ZKSCAN5: variants seen among roughly 807,000 people sequenced by gnomAD.
ZKSCAN5 encodes the protein zinc finger with KRAB and SCAN domains 5.
A neutral mutation model predicts 60.0 loss-of-function variants in ZKSCAN5; 28 were observed. The observed-to-expected ratio is 0.47, with a 90% CI of 0.35 to 0.64. The LOEUF is 0.64. Among genes scored for constraint, ZKSCAN5 ranks in the 30% least tolerant of loss-of-function variants. The pLI is 0.01. For synonymous variants in ZKSCAN5, 361 were observed against 371.2 expected, an observed-to-expected ratio of 0.97 and a Z score of 0.31; for missense variants, 881 against 1,034.6, an observed-to-expected ratio of 0.85 and a Z score of 2.04.
Position 99,506,365 on chromosome 7 carries a change from G to GC in ZKSCAN5, c.324dup (p.Trp109LeufsTer8), listed in dbSNP as rs1309405906. ...TGACCATCCTGCCTGAAGAGTTCCA[G>GC]CCCTGGGTGAGGGAACATCACCCTG... On this transcript the variant is annotated frameshift_variant, in exon 2 of 7. Transcript: ENST00000326775. LOFTEE classifies it high-confidence loss of function. The GC allele has an allele frequency of 6.2e-7, 1 of 1,614,224 alleles. No individual in the cohort carries two copies. Among genetic ancestry groups the GC allele is most frequent in the Non-Finnish European group, 8.5e-7 (1 of 1,180,046 alleles).
chr7:99,522,569 G>A (rs1044291125), intron 5 of ZKSCAN5, among the ~76,000 whole-genome samples: 1 of 151,576 alleles, frequency 6.6e-6, no homozygotes, highest in African/African-American at 2.4e-5. Flanking sequence ...TGCCTCCCGG[G>A]TTCAAGCTAT....
Position 99,524,071 on chromosome 7 carries a change from GT to G in ZKSCAN5, c.773-1725del, listed in dbSNP as rs754856321. Among the ~76,000 whole-genome samples, 321 of 133,522 alleles carry G rather than the reference GT, an allele frequency of 2.4e-3. 1 individual carries two copies. The highest frequency in any genetic ancestry group is 0.015 in the South Asian group (64 of 4,182). 87.6% of individuals were successfully genotyped at this position (133,522 alleles called of 152,430 possible). On this transcript the variant is annotated intron_variant, in intron 5 of 6. Coordinates refer to ENST00000326775, the MANE Select transcript of ZKSCAN5 (RefSeq NM_145102.4). ...CTTAATAGGCCATGATACTCCCTGG[GT>G]TTTTTTTTTTTTTTTTGGGACAGAG...
chr7:99,531,892 C>G lies in ZKSCAN5; in HGVS notation c.2163C>G (p.Ile721Met). The stretch of plus-strand genomic sequence containing the variant: ...AAGAGCAGCCTTATCAGTGTGATAT[C>G]TGTGGAAAAGCCTTTGGTTATAGCT... The part of the protein sequence containing the change: ...ELQEQPYQCD[I>M]CGKAFGYSSD... Residue 721 changes from isoleucine (I) to methionine (M), a missense_variant, in exon 7 of 7, where the codon ATC (isoleucine) becomes ATG (methionine). Physicochemically the swap from Ile to Met is conservative, Grantham distance 10. Coordinates refer to ENST00000326775, the MANE Select transcript of ZKSCAN5 (RefSeq NM_145102.4). 6.2e-7 allele frequency: 1 copy of G among 1,614,140 alleles called. No individual in the cohort carries two copies. The highest frequency in any genetic ancestry group is 8.5e-7 in the Non-Finnish European group (1 of 1,180,044).
At chr7:99,508,811 CTTTCT>C (rs1203365443) in intron 2 of ZKSCAN5, among the ~76,000 whole-genome samples, 2 of 141,732 alleles carry the variant, frequency 1.4e-5, no homozygotes, top group African/African-American at 5.2e-5. Context: ...TTCTTTCTTT[CTTTCT>C]TTTTTTTTTT....
At chr7:99,506,486 A>C in intron 2 of ZKSCAN5, 28 bp downstream of exon 2, 1 of 1,583,156 alleles carries the variant, frequency 6.3e-7, no homozygotes, top group Non-Finnish European at 8.6e-7. Context: ...TATATGAGCA[A>C]TGAAGGAGAG....
chr7:99,512,739 T>C, intron 3 of ZKSCAN5, 148 bp downstream of exon 3: 1 of 899,316 alleles, frequency 1.1e-6, no homozygotes, highest in Non-Finnish European at 1.5e-6. Context: ...GCCAGGGACC[T>C]GGAGTTGAGT....
At chr7:99,509,637 C>G (rs1800929860) in intron 2 of ZKSCAN5, among the ~76,000 whole-genome samples, 1 of 151,492 alleles carries the variant, frequency 6.6e-6, no homozygotes, top group South Asian at 2.1e-4. Flanking sequence ...CGGCTAATTT[C>G]CTGTATTTCT....
In ZKSCAN5 at chr7:99,532,247, T is replaced by C. The variant is rs761494675; in HGVS notation, c.2518T>C (p.Ter840GlnextTer4). The change falls in exon 7 of 7, where the codon TAG (stop) becomes CAG (glutamine). Residue 840 changes from the stop codon to glutamine, a stop_lost. Transcript: ENST00000326775. The part of the protein sequence containing the change: ...NTLSVEGSLL[*>Q] The stretch of plus-strand genomic sequence containing the variant: ...CTTAAGTGTAGAGGGGTCTCTGTTG[T>C]AGAATAGCTCTTAATTTTAGAGAAA... 1.3e-6 allele frequency: 2 copies of C among 1,558,694 alleles called. No homozygotes were observed. Among genetic ancestry groups the C allele is most frequent in the South Asian group, 2.5e-5 (2 of 81,134 alleles).
chr7:99,513,751 G>A, intron 3 of ZKSCAN5: 1 of 353,310 alleles, frequency 2.8e-6, no homozygotes, highest in South Asian at 2.0e-5. Flanking sequence ...AACAAGGCCG[G>A]GCTCAGTGGC....
chr7:99,531,586 C>T lies in ZKSCAN5; in HGVS notation c.1857C>T (p.His619=), dbSNP rs756729911. Residue 619 remains histidine, a synonymous_variant, in exon 7 of 7, where the codon CAC becomes CAT. Transcript: ENST00000326775. ...GGAAAGCCTTCAGAGTGAGGTCCCA[C>T]CTTGTTCAGCATCAGAGCGTGCACA... ...LCGKAFRVRS[H]LVQHQSVHSG... The T allele has an allele frequency of 1.2e-6, 2 of 1,614,170 alleles. No individual in the cohort carries two copies. The highest frequency in any genetic ancestry group is 8.5e-7 in the Non-Finnish European group (1 of 1,180,036).
At chr7:99,521,921 T>A (rs1168123671) in intron 5 of ZKSCAN5, among the ~76,000 whole-genome samples, 1 of 152,198 alleles carries the variant, frequency 6.6e-6, no homozygotes, top group African/African-American at 2.4e-5. Context: ...CTTGTTTATT[T>A]GAGCCTGTTA....
At position 99,519,891 on chromosome 7, in the gene ZKSCAN5, T is replaced by G. The variant is rs778902520; in HGVS notation, c.618T>G (p.Leu206=). The G allele has an allele frequency of 6.2e-7, 1 of 1,614,154 alleles. No homozygotes were observed. Among genetic ancestry groups the G allele is most frequent in the Admixed American group, 1.7e-5 (1 of 60,004 alleles). ...ACAGCCAGGAGCTGACAGCTTCACT[T>G]CTCTCAACTGGGTCCCAGGTGAGCT... is the stretch of plus-strand genomic sequence containing the variant. ...LKDSQELTAS[L]LSTGSQKLVK... Residue 206 remains leucine, a synonymous_variant, in exon 4 of 7, where the codon CTT becomes CTG. Transcript: ENST00000326775.
chr7:99,524,315 C>G (rs182514103), intron 5 of ZKSCAN5, among the ~76,000 whole-genome samples: 268 of 152,234 alleles, frequency 1.8e-3, no homozygotes, highest in African/African-American at 6.3e-3. Flanking sequence ...CTCAAGTGAT[C>G]CGCCTACCTC....
chr7:99,531,557 T>G lies in ZKSCAN5; in HGVS notation c.1828T>G (p.Cys610Gly). 6.2e-7 allele frequency: 1 copy of G among 1,614,192 alleles called. No homozygotes were observed. The highest frequency in any genetic ancestry group is 1.3e-5 in the African/African-American group (1 of 75,046). Residue 610 changes from cysteine to glycine, a missense_variant, in exon 7 of 7, where the codon TGT (cysteine) becomes GGT (glycine). This residue lies in a region of ZKSCAN5 where 112 missense variants were observed against 182.4 expected (regional missense o/e 0.61). Coordinates refer to ENST00000326775, the MANE Select transcript of ZKSCAN5 (RefSeq NM_145102.4). ...TGAGAAGCCCTACACCTGTCCCTTATGTGGGAAAGCCTTCAGAGTGAGGTC... is the reference window on the plus strand; with the variant it reads ...TGAGAAGCCCTACACCTGTCCCTTAGGTGGGAAAGCCTTCAGAGTGAGGTC... ...TGEKPYTCPL[C>G]GKAFRVRSHL...
rs1374644873 is a variant in ZKSCAN5, at chr7:99,519,910, G to C, written c.636+1G>C. On this transcript the variant is annotated splice_donor_variant, in intron 4 of 6. Coordinates refer to ENST00000326775, the MANE Select transcript of ZKSCAN5 (RefSeq NM_145102.4). LOFTEE classifies it high-confidence loss of function. ...TTCACTTCTCTCAACTGGGTCCCAG[G>C]TGAGCTGGTGCCCCTTTGCCCTCAG... is the stretch of plus-strand genomic sequence containing the variant. 1 of 1,613,812 alleles carries C rather than the reference G, an allele frequency of 6.2e-7. No individual in the cohort carries two copies. Among genetic ancestry groups the C allele is most frequent in the Non-Finnish European group, 8.5e-7 (1 of 1,179,908 alleles).
chr7:99,533,823 C>T lies in ZKSCAN5; in HGVS notation c.*1574C>T, dbSNP rs1332649340. The T allele has an allele frequency of 7.6e-6, 3 of 392,266 alleles. No individual in the cohort carries two copies. Among genetic ancestry groups the T allele is most frequent in the Non-Finnish European group, 9.0e-6 (2 of 222,752 alleles). The allele number at this position is 392,266 out of a possible 1,614,324, so 24.3% of individuals were successfully genotyped here. On this transcript the variant is annotated 3_prime_UTR_variant, in exon 7 of 7. Transcript: ENST00000326775. ...CCCAAATAAATCACACTGTCAATCACATGGTTCTGAATCCCTGTCTCAGGC... is the reference window on the plus strand; with the variant it reads ...CCCAAATAAATCACACTGTCAATCATATGGTTCTGAATCCCTGTCTCAGGC...
intron 6 of ZKSCAN5, among the ~76,000 whole-genome samples, chr7:99,530,321 C>T (rs1325402167): frequency 6.6e-6 from 1 of 152,082 alleles, no homozygotes; most frequent in Non-Finnish European, 1.5e-5. Flanking sequence ...AGGTGTGAGC[C>T]ACCACGCCCG....
intron 3 of ZKSCAN5, among the ~76,000 whole-genome samples, chr7:99,514,677 C>T (rs1801185930): frequency 1.3e-5 from 2 of 151,966 alleles, no homozygotes; most frequent in South Asian, 2.1e-4. Context: ...GAGGCCAAGG[C>T]GGGCAGATCA....
In ZKSCAN5 at chr7:99,527,936, G is replaced by A. The variant is rs549834077; in HGVS notation, c.1378+1518G>A. 2.6e-5 allele frequency among the ~76,000 whole-genome samples: 4 copies of A among 152,004 alleles called. No individual in the cohort carries two copies. In the South Asian group the frequency reaches 8.3e-4, roughly 32 times the overall value. On this transcript the variant is annotated intron_variant, in intron 6 of 6. Coordinates refer to ENST00000326775, the MANE Select transcript of ZKSCAN5 (RefSeq NM_145102.4). Reference sequence around the variant, plus strand: ...ACTCCTGACCTCAAGTGATCCACCCGCCTTGGCCTCCCAAAGTGCTGGGAT... The same window carrying A: ...ACTCCTGACCTCAAGTGATCCACCCACCTTGGCCTCCCAAAGTGCTGGGAT...
Sources: gnomAD v4.1 joint callset for allele counts (sites outside exome capture counted in the v4.1 genomes callset) on GRCh38, gnomAD v4.1.1 for gene constraint, gnomAD v4.1.1 regional missense constraint, MANE v1.5 for transcripts, NCBI Gene and HGNC (gene_info 2026-07-23, HGNC 2026-07-21) for gene names.